The following STARD9 variants were observed in gnomAD, a reference collection of about 807,000 sequenced individuals.
STARD9 encodes StAR related lipid transfer domain containing 9.
STARD9 carries 346 observed loss-of-function variants against 399.8 expected under a neutral mutation model. That is an observed-to-expected ratio of 0.87 (90% CI 0.79 to 0.95). STARD9 has a LOEUF of 0.95. Ranked by LOEUF, STARD9 falls within the 40% of genes least tolerant of loss-of-function variation. STARD9 has a pLI of 0.00. For synonymous variants in STARD9, 2,203 were observed against 2,143.5 expected, an observed-to-expected ratio of 1.03 and a Z score of -0.77; for missense variants, 5,832 against 5,667.5, an observed-to-expected ratio of 1.03 and a Z score of -0.93.
In STARD9 at chr15:42,690,080, T is replaced by C. The variant is rs2060654480; in HGVS notation, c.8502T>C (p.His2834=). Residue 2834 remains histidine (H), a synonymous_variant, in exon 23 of 33, where the codon CAT becomes CAC. Transcript: ENST00000290607. The part of the protein sequence containing the change: ...STSASGPKQD[H]VQCPEASTGF... ...GTGCCTCAGGGCCTAAGCAAGACCA[T>C]GTCCAATGCCCTGAGGCTTCTACTG... The C allele has an allele frequency of 6.5e-7, 1 of 1,537,490 alleles. No individual in the cohort carries two copies. The highest frequency in any genetic ancestry group is 8.7e-7 in the Non-Finnish European group (1 of 1,147,000).
At chr15:42,623,272 T>A (rs1338149275) in intron 3 of STARD9, among the ~76,000 whole-genome samples, 2 of 151,916 alleles carry the variant, frequency 1.3e-5, no homozygotes, top group East Asian at 3.9e-4. Flanking sequence ...AAGATGCCGA[T>A]CAAATGCCAA....
intron 3 of STARD9, among the ~76,000 whole-genome samples, chr15:42,615,979 T>C (rs1218616201): frequency 6.6e-6 from 1 of 152,070 alleles, no homozygotes. Context: ...AGGAAACACA[T>C]CAGGCCACTA....
rs2060705642 is a variant in STARD9 at position 42,691,620 on chromosome 15, A to G, written c.10042A>G (p.Thr3348Ala). The change falls in exon 23 of 33, where the codon ACA becomes GCA. Residue 3348 changes from threonine to alanine, a missense_variant. Transcript: ENST00000290607. ...CTTGAGTGTGGAGCCTCCTTCCCCT[A>G]CAGACGAAGATACACAGGGGCCTAA... ...LNLSVEPPSP[T>A]DEDTQGPNRL... The G allele has an allele frequency of 2.0e-6, 3 of 1,537,164 alleles. No individual in the cohort carries two copies. The highest frequency in any genetic ancestry group is 1.2e-5 in the South Asian group (1 of 84,060).
chr15:42,628,169 A>G (rs962968895), intron 3 of STARD9, among the ~76,000 whole-genome samples: 1 of 152,070 alleles, frequency 6.6e-6, no homozygotes. Context: ...TTCAATTTGG[A>G]TTTCTCTGAT....
Position 42,639,478 on chromosome 15 carries a change from C to CATAA in STARD9, c.559+666_559+667insATAA, listed in dbSNP as rs2059490026. Among the ~76,000 whole-genome samples, 3 of 152,226 alleles carry CATAA rather than the reference C, an allele frequency of 2.0e-5. No homozygotes were observed. In the South Asian group the frequency reaches 6.2e-4, roughly 32 times the overall value. On this transcript the variant is annotated intron_variant, in intron 7 of 32. Transcript: ENST00000290607. ...GTGTTTGGTGCTTGGTACCATCTGTCTTATATCATTAAGGTAGGTCCTGCT... is the reference window on the plus strand; with the variant it reads ...GTGTTTGGTGCTTGGTACCATCTGTCATAATTATATCATTAAGGTAGGTCCTGCT...
intron 9 of STARD9, among the ~76,000 whole-genome samples, chr15:42,658,288 GGTGTGTGTGTGTGTGT>G (rs56286330): frequency 6.9e-6 from 1 of 145,854 alleles, no homozygotes; most frequent in Non-Finnish European, 1.5e-5. Context: ...GGGACTTACA[GGTGTGTGTGTGTGTGT>G]GTGTGTGTGT....
intron 3 of STARD9, among the ~76,000 whole-genome samples, chr15:42,586,437 T>C (rs1433751280): frequency 2.6e-5 from 4 of 152,162 alleles, no homozygotes; most frequent in African/African-American, 4.8e-5. Context: ...CAGCAGGAGG[T>C]CTGGCCAGTG....
chr15:42,674,327 A>G (rs1006179621), intron 16 of STARD9, 113 bp from the exon 17 acceptor site: 8 of 852,934 alleles, frequency 9.4e-6, no homozygotes, highest in Admixed American at 4.2e-5. Flanking sequence ...TGGGATGAGA[A>G]GTGGTACAGA....
chr15:42,588,218 G>GTA (rs1298646149), intron 3 of STARD9, among the ~76,000 whole-genome samples: 1 of 152,002 alleles, frequency 6.6e-6, no homozygotes, highest in Non-Finnish European at 1.5e-5. Flanking sequence ...ATGTGTGTGT[G>GTA]TGTGTGTGTC....
intron 1 of STARD9, 80 bp from the exon 2 acceptor site, chr15:42,583,266 G>A (rs532956585): frequency 2.0e-6 from 2 of 1,008,442 alleles, no homozygotes; most frequent in South Asian, 3.0e-5. Flanking sequence ...GAAATATTTT[G>A]TCCCACTAGC....
At chr15:42,718,342 T>G in intron 30 of STARD9, 93 bp from the exon 31 acceptor site, 1 of 1,236,026 alleles carries the variant, frequency 8.1e-7, no homozygotes, top group Non-Finnish European at 1.1e-6. Flanking sequence ...TGTCAAGTGA[T>G]GGGGTGTTGG....
In STARD9 at chr15:42,682,068, A is replaced by T. The variant is rs781695136; in HGVS notation, c.2066-36A>T. ...CAGGCAGCCACAAGCAGGGAAGGAG[A>T]TGCTGAAATTCTCTCTGGGTGTTTT... On this transcript the variant is annotated intron_variant, in intron 21 of 32. Transcript: ENST00000290607. The T allele has an allele frequency of 2.2e-6, 3 of 1,381,666 alleles. No individual in the cohort carries two copies. In the South Asian group the frequency reaches 3.9e-5, roughly 18 times the overall value. The allele number at this position is 1,381,666 out of a possible 1,614,324, so 85.6% of individuals were successfully genotyped here.
At chr15:42,576,360 T>C (rs1429838208) in intron 1 of STARD9, among the ~76,000 whole-genome samples, 1 of 152,176 alleles carries the variant, frequency 6.6e-6, no homozygotes, top group East Asian at 1.9e-4. Flanking sequence ...TCTCGTGGCT[T>C]ATTTTGATTC....
intron 3 of STARD9, among the ~76,000 whole-genome samples, chr15:42,622,617 G>A (rs1167204378): frequency 6.6e-6 from 1 of 152,188 alleles, no homozygotes; most frequent in Admixed American, 6.5e-5. Flanking sequence ...TTGTTTGACT[G>A]TCTCTGTGGT....
intron 26 of STARD9, among the ~76,000 whole-genome samples, chr15:42,698,320 A>C (rs2060888843): frequency 6.6e-6 from 1 of 152,174 alleles, no homozygotes; most frequent in Non-Finnish European, 1.5e-5. Context: ...ATTTTCTCTC[A>C]CAGATGAGCT....
intron 9 of STARD9, among the ~76,000 whole-genome samples, chr15:42,659,380 C>T (rs1213219190): frequency 6.6e-6 from 1 of 152,150 alleles, no homozygotes; most frequent in African/African-American, 2.4e-5. Context: ...AATGAGATAC[C>T]ACTACCCACC....
At position 42,687,353 on chromosome 15, in the gene STARD9, G is replaced by A. The variant is rs1362986619; in HGVS notation, c.5775G>A (p.Thr1925=). The change falls in exon 23 of 33, where the codon ACG becomes ACA. Residue 1925 remains threonine, a synonymous_variant. Coordinates refer to ENST00000290607, the MANE Select transcript of STARD9 (RefSeq NM_020759.3). ...AGGAAGAAGAGCTGGATCAGAATAC[G>A]GTTCTGAGGCAGACCATCAATGTAA... ...AREEEELDQN[T]VLRQTINVSL... is the part of the protein sequence containing the mutation. 5.9e-6 allele frequency: 9 copies of A among 1,536,608 alleles called. No individual in the cohort carries two copies. Among genetic ancestry groups the A allele is most frequent in the Admixed American group, 2.0e-5 (1 of 50,978 alleles).
chr15:42,624,054 C>A (rs1045397885), intron 3 of STARD9, among the ~76,000 whole-genome samples: 1 of 152,142 alleles, frequency 6.6e-6, no homozygotes, highest in Non-Finnish European at 1.5e-5. Flanking sequence ...CCAGAATTTA[C>A]CTGACATTTA....
intron 26 of STARD9, among the ~76,000 whole-genome samples, chr15:42,704,152 C>A (rs1223936790): frequency 2.6e-5 from 4 of 152,170 alleles, no homozygotes; most frequent in Non-Finnish European, 5.9e-5. Context: ...CTCAGGTGAT[C>A]TGCCTGCCTC....
Sources: gnomAD v4.1 joint callset for allele counts (sites outside exome capture counted in the v4.1 genomes callset) on GRCh38, gnomAD v4.1.1 for gene constraint, MANE v1.5 for transcripts, NCBI Gene and HGNC (gene_info 2026-07-23, HGNC 2026-07-21) for gene names.